The following KLF8 variants were observed in gnomAD, a reference collection of about 807,000 sequenced individuals.
The protein encoded by KLF8 is Krueppel-like factor 8.
KLF8 carries 10 observed loss-of-function variants against 18.2 expected under a neutral mutation model. That is an observed-to-expected ratio of 0.55 (90% confidence interval 0.34 to 0.93). KLF8 has a LOEUF of 0.93. KLF8 is among the 40% of genes least tolerant of loss of function. The pLI, the probability that KLF8 is intolerant of heterozygous loss-of-function variation, is 0.02. For missense variants in KLF8, 264 were observed against 277.9 expected (o/e 0.95, Z 0.36); for synonymous variants, 109 against 97.3 (o/e 1.12, Z -0.71).
intron 2 of KLF8, among the ~76,000 whole-genome samples, chrX:56,253,758 C>CTTTTTCT (rs2066747052): frequency 6.0e-5 from 2 of 33,583 alleles, no homozygotes; most frequent in African/African-American, 2.5e-4. Context: ...GTCTTTTTTT[C>CTTTTTCT]TTTTTCTTTT....
chrX:56,006,962 G>A, the KLF8 span, among the ~76,000 whole-genome samples: 3 of 111,758 alleles, frequency 2.7e-5, no homozygotes, highest in Non-Finnish European at 5.7e-5. Context: ...CTGTTCTCAG[G>A]CCCCTCACTG....
the KLF8 span, among the ~76,000 whole-genome samples, chrX:55,992,141 A>G: frequency 8.9e-6 from 1 of 112,254 alleles, no homozygotes; most frequent in Admixed American, 9.4e-5. Context: ...TTTTTGCTAT[A>G]GATTTTGGAG....
the KLF8 span, chrX:55,961,469 CA>C: frequency 1.8e-6 from 1 of 549,635 alleles, no homozygotes. Context: ...CAGATTGCCA[CA>C]AAAAATTTGG....
intron 2 of KLF8, among the ~76,000 whole-genome samples, chrX:56,258,854 A>G (rs989434764): frequency 1.8e-5 from 2 of 111,728 alleles, no homozygotes; most frequent in Non-Finnish European, 3.8e-5. Flanking sequence ...TTTGTGTTCT[A>G]TAACTACGCA....
the KLF8 span, among the ~76,000 whole-genome samples, chrX:55,981,249 A>C: frequency 3.6e-5 from 4 of 112,285 alleles, no homozygotes; most frequent in African/African-American, 1.3e-4. Context: ...TAGGTGGTTC[A>C]GGGGATACTG....
chrX:56,283,238 T>C (rs777081051), intron 5 of KLF8, among the ~76,000 whole-genome samples: 1 of 111,966 alleles, frequency 8.9e-6, no homozygotes, highest in South Asian at 3.8e-4. Flanking sequence ...TTTCAAAAAG[T>C]TTGACCTGAC....
the KLF8 span, among the ~76,000 whole-genome samples, chrX:56,004,865 G>A: frequency 2.7e-5 from 3 of 110,778 alleles, no homozygotes; most frequent in Admixed American, 2.9e-4. Context: ...AGCATTTGTG[G>A]TATGACTGAC....
chrX:56,098,997 C>T, the KLF8 span, among the ~76,000 whole-genome samples: 1 of 111,636 alleles, frequency 9.0e-6, no homozygotes, highest in Non-Finnish European at 1.9e-5. Context: ...CCATATGATC[C>T]AGCAGTCTTA....
chrX:56,180,746 T>C, the KLF8 span, among the ~76,000 whole-genome samples: 1 of 112,004 alleles, frequency 8.9e-6, no homozygotes, highest in Non-Finnish European at 1.9e-5. Context: ...GAGCAAGTAG[T>C]TCAGTTTCCA....
At chrX:56,149,843 C>T in the KLF8 span, among the ~76,000 whole-genome samples, 4 of 110,952 alleles carry the variant, frequency 3.6e-5, no homozygotes, top group Non-Finnish European at 7.6e-5. Context: ...CAATTTTCCC[C>T]TTTAGAGTCA....
chrX:56,115,057 G>A, the KLF8 span, among the ~76,000 whole-genome samples: 2 of 111,187 alleles, frequency 1.8e-5, no homozygotes, highest in Admixed American at 1.9e-4. Flanking sequence ...ACTACATATG[G>A]GAGGAATTTT....
At chrX:55,944,090 A>G in the KLF8 span, among the ~76,000 whole-genome samples, 3 of 111,748 alleles carry the variant, frequency 2.7e-5, no homozygotes, top group East Asian at 2.8e-4. Flanking sequence ...TGAGATAATC[A>G]TGTGGTTTTT....
At chrX:56,185,380 G>T in the KLF8 span, among the ~76,000 whole-genome samples, 1 of 112,293 alleles carries the variant, frequency 8.9e-6, no homozygotes, top group African/African-American at 3.2e-5. Flanking sequence ...AATGTGAAAA[G>T]ACCAAATCTA....
At chrX:56,096,488 T>G in the KLF8 span, among the ~76,000 whole-genome samples, 4 of 111,377 alleles carry the variant, frequency 3.6e-5, no homozygotes, top group Non-Finnish European at 7.6e-5. Context: ...ATGTTTAAAA[T>G]AAAATGAAAA....
At chrX:56,002,749 C>A in the KLF8 span, among the ~76,000 whole-genome samples, 1 of 111,954 alleles carries the variant, frequency 8.9e-6, no homozygotes, top group Non-Finnish European at 1.9e-5. Flanking sequence ...CAATAAACAA[C>A]CTCAATTGTT....
chrX:55,955,150 A>T, the KLF8 span, among the ~76,000 whole-genome samples: 16 of 111,678 alleles, frequency 1.4e-4, no homozygotes, highest in East Asian at 3.9e-3. Flanking sequence ...ATATAACTCA[A>T]CAAGGCTGTT....
At chrX:55,998,280 C>T in the KLF8 span, among the ~76,000 whole-genome samples, 1 of 110,660 alleles carries the variant, frequency 9.0e-6, no homozygotes, top group Non-Finnish European at 1.9e-5. Context: ...AAGAGGCATG[C>T]CTTCCTCTTA....
At chrX:56,182,756 G>T in the KLF8 span, among the ~76,000 whole-genome samples, 1 of 112,691 alleles carries the variant, frequency 8.9e-6, no homozygotes, top group East Asian at 2.8e-4. Flanking sequence ...GTTTGCCTGG[G>T]TATTACCAGC....
At chrX:56,137,315 T>C in the KLF8 span, among the ~76,000 whole-genome samples, 5 of 108,707 alleles carry the variant, frequency 4.6e-5, no homozygotes, top group Admixed American at 4.0e-4. Flanking sequence ...CGTATGTTTA[T>C]TGTGGTACTA....
Sources: allele counts gnomAD v4.1 joint callset (sites outside exome capture counted in the v4.1 genomes callset), GRCh38; gene constraint gnomAD v4.1.1; transcripts MANE v1.5; gene names NCBI Gene and HGNC (gene_info 2026-07-23, HGNC 2026-07-21).